The following TUBB3 variants were observed in gnomAD, a reference collection of about 807,000 sequenced individuals.
TUBB3 encodes tubulin beta 3 class III.
In TUBB3, 17 loss-of-function variants were observed where a neutral mutation model predicts 37.8. The ratio of observed to expected loss-of-function variants is 0.45; its 90% CI spans 0.31 to 0.67. The LOEUF is 0.67. TUBB3 is among the 30% of genes least tolerant of loss of function. TUBB3 has a pLI of 0.07. For missense variants in TUBB3, 262 were observed against 657.9 expected (o/e 0.40, Z 6.58); for synonymous variants, 332 against 278.9 (o/e 1.19, Z -1.90).
chr16:89,931,562 G>C (rs114566768), intron 1 of TUBB3: 1 of 152,708 alleles, frequency 6.5e-6, no homozygotes, highest in East Asian at 1.9e-4. Context: ...CAGGGGTGTG[G>C]TTCTCCGTGT....
At chr16:89,933,716 T>G (rs763401319) in intron 3 of TUBB3, 138 bp downstream of exon 3, 1 of 781,452 alleles carries the variant, frequency 1.3e-6, no homozygotes, top group African/African-American at 1.7e-5. Context: ...CATCTCTCCA[T>G]TTTACAGCTG....
Position 89,935,312 on chromosome 16 carries a change from C to T in TUBB3, c.861C>T (p.Pro287=), listed in dbSNP as rs759943633. The stretch of plus-strand genomic sequence containing the variant: ...AGCAGTACCGGGCCCTGACCGTGCC[C>T]GAGCTCACCCAGCAGATGTTCGATG... ...GSQQYRALTV[P]ELTQQMFDAK... Residue 287 remains proline, a synonymous_variant, in exon 4 of 4, where the codon CCC becomes CCT. Coordinates refer to ENST00000315491, the MANE Select transcript of TUBB3 (RefSeq NM_006086.4). 2.5e-5 allele frequency: 40 copies of T among 1,613,652 alleles called. No individual in the cohort carries two copies. The highest frequency in any genetic ancestry group is 8.8e-5 in the South Asian group (8 of 91,092).
chr16:89,933,751 T>C (rs1432687381), intron 3 of TUBB3, 173 bp downstream of exon 3: 2 of 716,248 alleles, frequency 2.8e-6, no homozygotes, highest in Non-Finnish European at 5.1e-6. Flanking sequence ...AGAGAAAGGG[T>C]TCTGTGGGGA....
At chr16:89,926,447 G>A (rs934222757) in intron 1 of TUBB3, among the ~76,000 whole-genome samples, 1 of 152,270 alleles carries the variant, frequency 6.6e-6, no homozygotes, top group African/African-American at 2.4e-5. Context: ...CACCTGCCTT[G>A]GCCACTGCCC....
chr16:89,933,348 A>C, intron 2 of TUBB3, 120 bp from the exon 3 acceptor site: 1 of 885,900 alleles, frequency 1.1e-6, no homozygotes, highest in South Asian at 1.3e-5. Context: ...CTCTGACTTC[A>C]GAGTACAGGC....
At chr16:89,932,188 C>T (rs916769453) in intron 1 of TUBB3, 14 of 341,098 alleles carry the variant, frequency 4.1e-5, no homozygotes, top group Non-Finnish European at 6.3e-5. Context: ...CTCTGTGTCT[C>T]AGTTCCCTTT....
chr16:89,933,721 C>T lies in TUBB3; in HGVS notation c.277+143C>T, dbSNP rs140531184. The T allele has an allele frequency of 2.4e-3, 1,862 of 768,352 alleles. 16 individuals carry two copies. Among genetic ancestry groups the T allele is most frequent in the Middle Eastern group, 8.8e-3 (39 of 4,454 alleles). 47.6% of individuals were successfully genotyped at this position (768,352 alleles called of 1,614,324 possible). On this transcript the variant is annotated intron_variant, in intron 3 of 3. Transcript: ENST00000315491. ...GGTGGGAACTCATCTCTCCATTTTA[C>T]AGCTGGGCATTGGAGGCCCAGAGAA... is the stretch of plus-strand genomic sequence containing the variant.
intron 1 of TUBB3, 26 bp from the exon 2 acceptor site, chr16:89,932,544 AC>A (rs112388869): frequency 3.0e-5 from 48 of 1,596,556 alleles, no homozygotes; most frequent in Non-Finnish European, 3.9e-5. Flanking sequence ...GCCGGTGCCG[AC>A]CCCCCCTCTC....
intron 1 of TUBB3, among the ~76,000 whole-genome samples, chr16:89,930,253 C>T (rs1021460392): frequency 2.7e-5 from 4 of 150,932 alleles, no homozygotes; most frequent in Non-Finnish European, 4.4e-5. Flanking sequence ...TACAGGTGCG[C>T]GCCACCATGC....
chr16:89,923,362 G>T lies in TUBB3; in HGVS notation c.-40G>T. 1.4e-6 allele frequency: 2 copies of T among 1,440,108 alleles called. No individual in the cohort carries two copies. Among genetic ancestry groups the T allele is most frequent in the Non-Finnish European group, 9.2e-7 (1 of 1,091,086 alleles). The allele number at this position is 1,440,108 out of a possible 1,614,324, so 89.2% of individuals were successfully genotyped here. A position where few individuals can be genotyped will look rare whatever the true frequency, so the allele number is the denominator to read the frequency against. The stretch of plus-strand genomic sequence containing the variant: ...CGACCCTCAGCAGCCAGCCCGGCCC[G>T]CCCGCGCCCGTCCGCAGCCGCCCGC... On this transcript the variant is annotated 5_prime_UTR_variant, in exon 1 of 4. Coordinates refer to ENST00000315491, the MANE Select transcript of TUBB3 (RefSeq NM_006086.4).
intron 1 of TUBB3, among the ~76,000 whole-genome samples, chr16:89,924,967 C>T (rs1223709887): frequency 6.7e-6 from 1 of 148,582 alleles, no homozygotes; most frequent in Non-Finnish European, 1.5e-5. Flanking sequence ...GCAGGCAGCC[C>T]TGGGGCTCCT....
At chr16:89,928,258 G>A (rs2030154829) in intron 1 of TUBB3, among the ~76,000 whole-genome samples, 1 of 151,904 alleles carries the variant, frequency 6.6e-6, no homozygotes, top group African/African-American at 2.4e-5. Flanking sequence ...GTTTCACCAT[G>A]TTGCCCAGGC....
At chr16:89,926,220 C>T (rs892216849) in intron 1 of TUBB3, among the ~76,000 whole-genome samples, 8 of 152,230 alleles carry the variant, frequency 5.3e-5, no homozygotes, top group African/African-American at 1.9e-4. Flanking sequence ...AGCCTTTGTC[C>T]TCCGCGCGGG....
chr16:89,929,172 A>G (rs2030194371), intron 1 of TUBB3, among the ~76,000 whole-genome samples: 1 of 150,826 alleles, frequency 6.6e-6, no homozygotes, highest in Admixed American at 6.6e-5. Context: ...CCTGTTGTCC[A>G]GGTTGGTCCT....
chr16:89,932,919 C>T (rs1019220997), intron 2 of TUBB3: 7 of 566,556 alleles, frequency 1.2e-5, no homozygotes, highest in African/African-American at 3.8e-5. Context: ...AGGGCCTGTG[C>T]GTGTCCAGGG....
intron 1 of TUBB3, among the ~76,000 whole-genome samples, chr16:89,925,981 G>A (rs927319492): frequency 3.3e-5 from 5 of 152,316 alleles, no homozygotes; most frequent in African/African-American, 1.2e-4. Context: ...GCCGGGCGCA[G>A]CCCGCCGGGA....
At chr16:89,932,900 A>G in intron 2 of TUBB3, 1 of 599,006 alleles carries the variant, frequency 1.7e-6, no homozygotes, top group Non-Finnish European at 3.0e-6. Context: ...CAAACATATT[A>G]GTGCCATGAG....
intron 1 of TUBB3, among the ~76,000 whole-genome samples, chr16:89,927,571 G>A (rs1025204162): frequency 6.6e-6 from 1 of 152,006 alleles, no homozygotes; most frequent in East Asian, 1.9e-4. Context: ...CTATCCTTCT[G>A]GTCCATTTTT....
At chr16:89,933,055 T>C (rs897950941) in intron 2 of TUBB3, 2 of 464,426 alleles carry the variant, frequency 4.3e-6, no homozygotes, top group Admixed American at 6.2e-5. Flanking sequence ...CATATCAAAG[T>C]GGTGATACAC....
Sources: allele counts gnomAD v4.1 joint callset (sites outside exome capture counted in the v4.1 genomes callset), GRCh38; gene constraint gnomAD v4.1.1; transcripts MANE v1.5; gene names NCBI Gene and HGNC (gene_info 2026-07-23, HGNC 2026-07-21).